PRKX: variants seen among roughly 807,000 people sequenced by gnomAD.
PRKX encodes protein kinase cAMP-dependent X-linked catalytic subunit.
A neutral mutation model predicts 22.0 loss-of-function variants in PRKX; 12 were observed. That is an observed-to-expected ratio of 0.54 (90% confidence interval 0.35 to 0.88). The LOEUF (loss-of-function observed/expected upper bound fraction) is 0.88, where lower values mean the gene tolerates loss of function less well. Ranked by LOEUF, PRKX falls within the 40% of genes least tolerant of loss-of-function variation. PRKX has a pLI of 0.01. For synonymous variants in PRKX, 134 were observed against 137.7 expected, an observed-to-expected ratio of 0.97 and a Z score of 0.19; for missense variants, 217 against 308.0, an observed-to-expected ratio of 0.70 and a Z score of 2.21.
At position 3,635,281 on chromosome X, in the gene PRKX, C is replaced by T. The variant is rs185651606; in HGVS notation, c.719+6571G>A. 4.5e-5 allele frequency among the ~76,000 whole-genome samples: 5 copies of T among 111,546 alleles called. No individual in the cohort carries two copies. In the East Asian group the frequency reaches 1.4e-3, roughly 31 times the overall value. ...CCACTGCGCAATGCCTAATGCTCCCCGTGGAAGAGGCTCCACTGCAGCCAA... is the reference window on the plus strand; with the variant it reads ...CCACTGCGCAATGCCTAATGCTCCCTGTGGAAGAGGCTCCACTGCAGCCAA... On this transcript the variant is annotated intron_variant, in intron 4 of 8. Transcript: ENST00000262848.
intron 7 of PRKX, among the ~76,000 whole-genome samples, chrX:3,613,969 T>C (rs189288589): frequency 2.3e-4 from 25 of 110,460 alleles, no homozygotes; most frequent in Admixed American, 2.3e-3. Flanking sequence ...TCCATTCTTT[T>C]AACTCTGAAG....
intron 4 of PRKX, among the ~76,000 whole-genome samples, chrX:3,632,932 C>T (rs1926814110): frequency 8.9e-6 from 1 of 112,784 alleles, no homozygotes; most frequent in African/African-American, 3.2e-5. Context: ...AAAATTCATG[C>T]CCAGGCTAGG....
At chrX:3,701,165 G>A (rs182223523) in intron 1 of PRKX, among the ~76,000 whole-genome samples, 18 of 109,359 alleles carry the variant, frequency 1.6e-4, no homozygotes, top group African/African-American at 5.7e-4. Context: ...CTGGAGTGCA[G>A]TGGCGCCATC....
At chrX:3,686,001 C>T (rs1323358886) in intron 1 of PRKX, among the ~76,000 whole-genome samples, 1 of 111,989 alleles carries the variant, frequency 8.9e-6, no homozygotes, top group Non-Finnish European at 1.9e-5. Context: ...AGTGCCATGA[C>T]TGCACCACTG....
At chrX:3,702,061 T>A (rs961210775) in intron 1 of PRKX, among the ~76,000 whole-genome samples, 1 of 112,232 alleles carries the variant, frequency 8.9e-6, no homozygotes, top group Non-Finnish European at 1.9e-5. Flanking sequence ...GGATTTGCCT[T>A]GAATTTTTTC....
chrX:3,638,121 T>C (rs144533878), intron 4 of PRKX, among the ~76,000 whole-genome samples: 1,443 of 111,676 alleles, frequency 0.013, 63 homozygotes, highest in Admixed American at 0.1. Flanking sequence ...TTATTTTCTA[T>C]TCTATTGTAT....
chrX:3,640,308 G>A (rs1005786911), intron 4 of PRKX, among the ~76,000 whole-genome samples: 2 of 111,080 alleles, frequency 1.8e-5, no homozygotes, highest in Non-Finnish European at 3.8e-5. Flanking sequence ...TCATCCCAGA[G>A]AGAAGAGCCT....
chrX:3,669,212 A>G (rs1211498736), intron 2 of PRKX, among the ~76,000 whole-genome samples: 2 of 112,635 alleles, frequency 1.8e-5, no homozygotes, highest in African/African-American at 6.5e-5. Flanking sequence ...ATCTATAGCT[A>G]TCATCTATCA....
At chrX:3,704,006 G>A (rs1323443327) in intron 1 of PRKX, among the ~76,000 whole-genome samples, 2 of 110,923 alleles carry the variant, frequency 1.8e-5, no homozygotes, top group Non-Finnish European at 3.8e-5. Context: ...CTCCTACTCA[G>A]ATCAAATGCA....
At chrX:3,620,724 C>T (rs1926536709) in intron 6 of PRKX, among the ~76,000 whole-genome samples, 1 of 112,017 alleles carries the variant, frequency 8.9e-6, no homozygotes, top group Non-Finnish European at 1.9e-5. Flanking sequence ...CCAAAAAGGT[C>T]GGGGACCGCT....
intron 1 of PRKX, among the ~76,000 whole-genome samples, chrX:3,676,393 T>C (rs916708315): frequency 9.0e-6 from 1 of 111,647 alleles, no homozygotes; most frequent in Non-Finnish European, 1.9e-5. Flanking sequence ...TTATGCTAGA[T>C]TGCAAAACCC....
At chrX:3,711,048 A>G (rs1251893931) in intron 1 of PRKX, among the ~76,000 whole-genome samples, 4 of 111,745 alleles carry the variant, frequency 3.6e-5, no homozygotes, top group East Asian at 5.6e-4. Context: ...GGTGAATCAC[A>G]CTCAGATTGC....
At chrX:3,673,928 C>A (rs112144378) in intron 2 of PRKX, among the ~76,000 whole-genome samples, 1 of 111,098 alleles carries the variant, frequency 9.0e-6, no homozygotes, top group East Asian at 2.8e-4. Context: ...AGTGAAAAGG[C>A]GCCATCTATG....
rs1926138294 is a variant in PRKX at position 3,605,061 on chromosome X, C to CACACACACACA, written c.*3907_*3908insTGTGTGTGTGT. 1 of 96,152 alleles carries CACACACACACA rather than the reference C, an allele frequency of 1.0e-5. No homozygotes were observed. The highest frequency in any genetic ancestry group is 4.0e-5 in the African/African-American group (1 of 24,699). 7.9% of individuals were successfully genotyped at this position (96,152 alleles called of 1,213,427 possible). ...CACACACACACACACACACACACAC[C>CACACACACACA]CCGCAAAGAAACTATCCAAATGCAT... On this transcript the variant is annotated 3_prime_UTR_variant, in exon 9 of 9. Coordinates refer to ENST00000262848, the MANE Select transcript of PRKX (RefSeq NM_005044.5).
chrX:3,617,962 G>A (rs1459238725), intron 6 of PRKX, among the ~76,000 whole-genome samples: 2 of 106,983 alleles, frequency 1.9e-5, no homozygotes, highest in Non-Finnish European at 3.9e-5. Context: ...TTGGGGGGGC[G>A]GGGCAATGGA....
chrX:3,658,577 T>C (rs1211338553), intron 2 of PRKX, among the ~76,000 whole-genome samples: 1 of 111,416 alleles, frequency 9.0e-6, no homozygotes, highest in Admixed American at 9.6e-5. Context: ...CGTGAGCCAC[T>C]GTACCTGACC....
Position 3,612,307 on chromosome X carries a change from T to TCTTGGG in PRKX, c.964_969dup (p.Pro322_Lys323dup). The TCTTGGG allele has an allele frequency of 3.3e-6, 4 of 1,210,189 alleles. No individual in the cohort carries two copies. The highest frequency in any genetic ancestry group is 4.5e-6 in the Non-Finnish European group (4 of 895,034). On this transcript the variant is annotated inframe_insertion, in exon 8 of 9. Transcript: ENST00000262848. ...TTGGAAGTGTCGCCGTCACCAGCTA[T>TCTTGGG]CTTGGGCACGATGGGAGGCTGTGAG...
At chrX:3,636,602 G>A (rs1482182715) in intron 4 of PRKX, among the ~76,000 whole-genome samples, 2 of 112,875 alleles carry the variant, frequency 1.8e-5, no homozygotes, top group African/African-American at 6.4e-5. Context: ...GCTCACGCCT[G>A]TAACCCCAGC....
At chrX:3,618,634 A>T (rs560593516) in intron 6 of PRKX, among the ~76,000 whole-genome samples, 1 of 94,167 alleles carries the variant, frequency 1.1e-5, no homozygotes, top group South Asian at 4.1e-4. Context: ...AAAAAAATAA[A>T]ATAAAGTCAG....
Sources: allele counts gnomAD v4.1 joint callset (sites outside exome capture counted in the v4.1 genomes callset), GRCh38; gene constraint gnomAD v4.1.1; transcripts MANE v1.5; gene names NCBI Gene and HGNC (gene_info 2026-07-23, HGNC 2026-07-21).